Variants in KDR observed in about 807,000 individuals in gnomAD.
KDR encodes the protein vascular endothelial growth factor receptor 2.
KDR carries 43 observed loss-of-function variants against 160.9 expected under a neutral mutation model. That is an observed-to-expected ratio of 0.27 (90% CI 0.21 to 0.34). KDR has a LOEUF of 0.34. Ranked by LOEUF, KDR falls within the 10% of genes least tolerant of loss-of-function variation. The pLI, the probability that KDR is intolerant of heterozygous loss-of-function variation, is 1.00. For missense variants in KDR, 1,469 were observed against 1,666.4 expected (o/e 0.88, Z 2.06); for synonymous variants, 617 against 600.1 (o/e 1.03, Z -0.41).
Position 55,089,419 on chromosome 4 carries a change from T to G in KDR, c.3359A>C (p.Lys1120Thr). 1 of 1,613,280 alleles carries G rather than the reference T, an allele frequency of 6.2e-7. No individual in the cohort carries two copies. The highest frequency in any genetic ancestry group is 8.5e-7 in the Non-Finnish European group (1 of 1,179,472). Residue 1120 changes from lysine (K) to threonine (T), a missense_variant, in exon 25 of 30, where the codon AAA becomes ACA. Lys to Thr is a moderately conservative substitution (Grantham distance 78). Transcript: ENST00000263923. ...KIDEEFCRRL[K>T]EGTRMRAPDY... ...AGGGGCCCTCATTCTAGTTCCTTCT[T>G]TCAATCGCCTACAAAATTCTTCATC...
chr4:55,106,222 C>T lies in KDR; in HGVS notation c.1537-282G>A, dbSNP rs112031749. 4.4e-3 allele frequency among the ~76,000 whole-genome samples: 677 copies of T among 152,208 alleles called. 7 individuals carry two copies. The highest frequency in any genetic ancestry group is 0.016 in the African/African-American group (646 of 41,530). The stretch of plus-strand genomic sequence containing the variant: ...ATCCCTAATCTGAAAATCCAAAATG[C>T]TCCAACGAGCGTTTCCTTTGAGCAC... On this transcript the variant is annotated intron_variant, in intron 11 of 29. Transcript: ENST00000263923.
At position 55,116,866 on chromosome 4, in the gene KDR, C is replaced by G. The variant is rs184102131; in HGVS notation, c.359-1455G>C. 3.3e-5 allele frequency among the ~76,000 whole-genome samples: 5 copies of G among 152,304 alleles called. No individual in the cohort carries two copies. The East Asian group carries it at 9.7e-4, about 29-fold the overall frequency. On this transcript the variant is annotated intron_variant, in intron 3 of 29. Coordinates refer to ENST00000263923, the MANE Select transcript of KDR (RefSeq NM_002253.4). ...ACCAGAGGGGACATTAAACACCTAT[C>G]CATAGAGAATACTTCAGTGTTTCCT...
Position 55,094,784 on chromosome 4 carries a change from G to A in KDR, c.2971+18C>T. 1 of 1,611,922 alleles carries A rather than the reference G, an allele frequency of 6.2e-7. No individual in the cohort carries two copies. ...TGACAAGAGCATGCCATAGCATGCA[G>A]GAAGCACTAGCCAGTACCTTCCTCT... On this transcript the variant is annotated intron_variant, in intron 21 of 29. Transcript: ENST00000263923.
rs1719685034 is a variant in KDR, at chr4:55,079,909, T to C, written c.*32A>G. 1 of 1,550,758 alleles carries C rather than the reference T, an allele frequency of 6.4e-7. No homozygotes were observed. The highest frequency in any genetic ancestry group is 8.9e-7 in the Non-Finnish European group (1 of 1,122,600). ...AATCTGAGCAGCACCTCTCATGTGA[T>C]GTCCAGGAGTTGGGGGTGTGGATGC... On this transcript the variant is annotated 3_prime_UTR_variant, in exon 30 of 30. Transcript: ENST00000263923.
Position 55,114,883 on chromosome 4 carries a change from C to A in KDR, c.649G>T (p.Val217Phe), listed in dbSNP as rs2110031401. 6.2e-7 allele frequency: 1 copy of A among 1,613,190 alleles called. No homozygotes were observed. The highest frequency in any genetic ancestry group is 8.5e-7 in the Non-Finnish European group (1 of 1,179,272). The part of the protein sequence containing the change: ...ESYQSIMYIV[V>F]VVGYRIYDVV... Reference sequence around the variant, plus strand: ...GGAAATGTCCTCTTACCTACAACGACAACTATGTACATAATAGACTGGTAA... The same window carrying A: ...GGAAATGTCCTCTTACCTACAACGAAAACTATGTACATAATAGACTGGTAA... The change falls in exon 5 of 30, where the codon GTC becomes TTC. Residue 217 changes from valine to phenylalanine, a missense_variant. This residue lies in a region of KDR where 792 missense variants were observed against 840.9 expected (regional missense o/e 0.94). Transcript: ENST00000263923.
At chr4:55,091,500 A>T (rs1300698858) in intron 22 of KDR, among the ~76,000 whole-genome samples, 9 of 152,198 alleles carry the variant, frequency 5.9e-5, no homozygotes, top group Admixed American at 5.9e-4. Context: ...AAAAATGGTA[A>T]TAATAAGTCA....
In KDR at chr4:55,079,829, CGAAAT is replaced by C; in HGVS notation, c.*107_*111del. 1.0e-6 allele frequency: 1 copy of C among 995,986 alleles called. No individual in the cohort carries two copies. Among genetic ancestry groups the C allele is most frequent in the South Asian group, 1.3e-5 (1 of 77,306 alleles). 61.7% of individuals were successfully genotyped at this position (995,986 alleles called of 1,614,324 possible). On this transcript the variant is annotated 3_prime_UTR_variant, in exon 30 of 30. Coordinates refer to ENST00000263923, the MANE Select transcript of KDR (RefSeq NM_002253.4). ...CAGTCCGAGGTCCTTTTTCTGTTGTCGAAATGAAAATCAAATGCGGCTACTTCCTG... is the reference window on the plus strand; with the variant it reads ...CAGTCCGAGGTCCTTTTTCTGTTGTCGAAAATCAAATGCGGCTACTTCCTG...
At chr4:55,089,570 A>ATT (rs3217703) in intron 24 of KDR, 97 bp from the exon 25 acceptor site, 3,326 of 1,199,460 alleles carry the variant, frequency 2.8e-3, no homozygotes, top group Non-Finnish European at 3.4e-3. Context: ...CTATGTATCT[A>ATT]TTTTTTTTTT....
At chr4:55,106,021 A>C in intron 11 of KDR, 81 bp from the exon 12 acceptor site, 1 of 874,160 alleles carries the variant, frequency 1.1e-6, no homozygotes, top group Non-Finnish European at 2.0e-6. Flanking sequence ...AGTCTCCACA[A>C]TCACTCCAAC....
Position 55,082,033 on chromosome 4 carries a change from CT to C in KDR, c.3770del (p.Gln1257ArgfsTer13). ...AGGCAAGAACCATACCACTGTCCGT[CT>C]GGTTGTCCTTTTTAAGAGACAATGA... is the stretch of plus-strand genomic sequence containing the variant. Reference protein sequence around the residue: ...PEVKVIPDDNQTDSGMVLASE... With the variant: ...PEVKVIPDDNXTDSGMVLASE... On this transcript the variant is annotated frameshift_variant, in exon 29 of 30. Transcript: ENST00000263923. LOFTEE classifies it high-confidence loss of function. 1 of 1,612,670 alleles carries C rather than the reference CT, an allele frequency of 6.2e-7. No individual in the cohort carries two copies. The highest frequency in any genetic ancestry group is 2.2e-5 in the East Asian group (1 of 44,868).
chr4:55,081,272 T>G (rs1719730186), intron 29 of KDR, among the ~76,000 whole-genome samples: 2 of 152,024 alleles, frequency 1.3e-5, no homozygotes. Context: ...TATAAGCAGA[T>G]CAAAACCTCC....
Position 55,125,473 on chromosome 4 carries a change from C to T in KDR, c.-180G>A. 1.5e-6 allele frequency: 1 copy of T among 681,736 alleles called. No individual in the cohort carries two copies. Among genetic ancestry groups the T allele is most frequent in the Non-Finnish European group, 2.5e-6 (1 of 400,404 alleles). 42.2% of individuals were successfully genotyped at this position (681,736 alleles called of 1,614,324 possible). A position where few individuals can be genotyped will look rare whatever the true frequency, so the allele number is the denominator to read the frequency against. ...CGGCTGCAGGGGCGTCTGCGGGTGC[C>T]GGTAGGAGAGGATATCCAGGCTGCC... On this transcript the variant is annotated 5_prime_UTR_variant, in exon 1 of 30. Transcript: ENST00000263923.
intron 1 of KDR, 112 bp downstream of exon 1, chr4:55,125,115 T>A (rs1171671318): frequency 1.0e-6 from 1 of 999,322 alleles, no homozygotes; most frequent in African/African-American, 1.6e-5. Context: ...TCGCAAAATG[T>A]CAAGTCCTGT....
chr4:55,125,237 G>T lies in KDR; in HGVS notation c.57C>A (p.Ala19=). The change falls in exon 1 of 30, where the codon GCC becomes GCA. Residue 19 remains alanine (A), a synonymous_variant. Transcript: ENST00000263923. The part of the protein sequence containing the change: ...VALWLCVETR[A]ASVGLPSVSL... ...GAGTGGGCTCCTTACCCACAGAGGC[G>T]GCCCGGGTCTCCACGCAGAGCCACA... The T allele has an allele frequency of 1.2e-6, 2 of 1,612,706 alleles. No homozygotes were observed. The highest frequency in any genetic ancestry group is 1.1e-5 in the South Asian group (1 of 90,572).
At chr4:55,110,301 ATG>A in intron 9 of KDR, 100 bp downstream of exon 9, 1 of 1,211,086 alleles carries the variant, frequency 8.3e-7, no homozygotes, top group Non-Finnish European at 1.2e-6. Flanking sequence ...CAGCCATGAT[ATG>A]AGTGAAGCAG....
Position 55,098,739 on chromosome 4 carries a change from G to A in KDR, c.2331C>T (p.Phe777=), listed in dbSNP as rs762137124. ...GGATGATGACAAGAAGTAGCCAGAA[G>A]AACATGGCAATCACCGCCGTGCCTA... ...ILVGTAVIAM[F]FWLLLVIILR... is the part of the protein sequence containing the mutation. Residue 777 remains phenylalanine (F), a synonymous_variant, in exon 16 of 30, where the codon TTC becomes TTT. Transcript: ENST00000263923. The A allele has an allele frequency of 4.3e-6, 7 of 1,613,252 alleles. No individual in the cohort carries two copies. In the East Asian group the frequency reaches 1.6e-4, roughly 36 times the overall value.
intron 1 of KDR, among the ~76,000 whole-genome samples, chr4:55,124,752 C>A (rs1444828732): frequency 1.3e-5 from 2 of 152,160 alleles, no homozygotes. Context: ...GGCCGGGTCC[C>A]GCAAAGAGGC....
chr4:55,097,278 A>G (rs1720183370), intron 18 of KDR, among the ~76,000 whole-genome samples: 1 of 152,144 alleles, frequency 6.6e-6, no homozygotes. Context: ...CTATTTTTGT[A>G]TTTCACTATC....
chr4:55,125,397 G>T lies in KDR; in HGVS notation c.-104C>A, dbSNP rs1721007132. On this transcript the variant is annotated 5_prime_UTR_variant, in exon 1 of 30. The change creates a premature stop within an existing upstream ORF in the 5' untranslated region. Transcript: ENST00000263923. ...GCGGAGGTGGAACTCGCGGCACCCC[G>T]CAGCGCAGGACAGTTGAGCGCACAG... 1.4e-6 allele frequency: 2 copies of T among 1,399,706 alleles called. No individual in the cohort carries two copies. Among genetic ancestry groups the T allele is most frequent in the Non-Finnish European group, 2.0e-6 (2 of 1,020,718 alleles). The allele number at this position is 1,399,706 out of a possible 1,614,324, so 86.7% of individuals were successfully genotyped here. A position where few individuals can be genotyped will look rare whatever the true frequency, so the allele number is the denominator to read the frequency against.
Sources: allele counts gnomAD v4.1 joint callset (sites outside exome capture counted in the v4.1 genomes callset), GRCh38; gene constraint gnomAD v4.1.1; regional missense constraint gnomAD v4.1.1; transcripts MANE v1.5; gene names NCBI Gene and HGNC (gene_info 2026-07-23, HGNC 2026-07-21).